Variants in PARG observed in about 807,000 individuals in gnomAD.
The protein encoded by PARG is poly(ADP-ribose) glycohydrolase.
A neutral mutation model predicts 113.0 loss-of-function variants in PARG; 35 were observed. That is an observed-to-expected ratio of 0.31 (90% CI 0.24 to 0.41). The LOEUF is 0.41. PARG is among the 10% of genes least tolerant of loss of function. The pLI, the probability that PARG is intolerant of heterozygous loss-of-function variation, is 1.00. For synonymous variants in PARG, 330 were observed against 409.9 expected, an observed-to-expected ratio of 0.81 and a Z score of 2.36; for missense variants, 797 against 1,169.4, an observed-to-expected ratio of 0.68 and a Z score of 4.64.
intron 14 of PARG, among the ~76,000 whole-genome samples, chr10:49,843,165 C>A (rs1242865633): frequency 6.6e-6 from 1 of 152,194 alleles, no homozygotes; most frequent in African/African-American, 2.4e-5. Flanking sequence ...AGGTTTCCTC[C>A]ACCTAATTTC....
intron 4 of PARG, among the ~76,000 whole-genome samples, chr10:49,928,990 A>G (rs182410747): frequency 6.6e-6 from 1 of 152,368 alleles, no homozygotes; most frequent in Admixed American, 6.5e-5. Context: ...GGGTTTTCTG[A>G]GTTACATGCT....
chr10:49,892,135 G>A (rs1554841708), intron 7 of PARG, among the ~76,000 whole-genome samples: 1 of 151,900 alleles, frequency 6.6e-6, no homozygotes, highest in Non-Finnish European at 1.5e-5. Flanking sequence ...TCATACATAG[G>A]TGCATTTATC....
chr10:49,926,091 G>T (rs1554850522), intron 4 of PARG, among the ~76,000 whole-genome samples: 1 of 152,224 alleles, frequency 6.6e-6, no homozygotes, highest in Non-Finnish European at 1.5e-5. Flanking sequence ...AAAGGGGAAG[G>T]CATGTCTGTA....
At position 49,937,311 on chromosome 10, in the gene PARG, C is replaced by T. The variant is rs1452052233; in HGVS notation, c.218-2169G>A. 1.1e-4 allele frequency among the ~76,000 whole-genome samples: 16 copies of T among 152,230 alleles called. No homozygotes were observed. In the East Asian group the frequency reaches 2.5e-3, roughly 24 times the overall value. On this transcript the variant is annotated intron_variant, in intron 1 of 17. Transcript: ENST00000616448. Reference sequence around the variant, plus strand: ...CTAACATGGTGAAACCCCGTCTCTACTAAAGATACAAAAAATTAGCCAGAC... The same window carrying T: ...CTAACATGGTGAAACCCCGTCTCTATTAAAGATACAAAAAATTAGCCAGAC...
chr10:49,939,125 AT>A (rs1838889357), intron 1 of PARG, among the ~76,000 whole-genome samples: 1 of 152,144 alleles, frequency 6.6e-6, no homozygotes. Context: ...GAAACCACAA[AT>A]TATCCAGTCA....
At chr10:49,858,392 A>G (rs1323564158) in intron 12 of PARG, among the ~76,000 whole-genome samples, 1 of 148,956 alleles carries the variant, frequency 6.7e-6, no homozygotes, top group South Asian at 2.1e-4. Flanking sequence ...ATACATAGTC[A>G]TACACACAAG....
At chr10:49,849,661 G>A (rs1319850458) in intron 13 of PARG, among the ~76,000 whole-genome samples, 2 of 152,260 alleles carry the variant, frequency 1.3e-5, no homozygotes, top group Non-Finnish European at 2.9e-5. Context: ...CAATAAATCT[G>A]TCTTAAGAAA....
At position 49,941,360 on chromosome 10, in the gene PARG, C is replaced by T. The variant is rs1208786792; in HGVS notation, c.217+149G>A. 5.6e-4 allele frequency: 420 copies of T among 751,900 alleles called. 2 individuals carry two copies. In the African/African-American group the frequency reaches 6.4e-3, roughly 12 times the overall value. 46.6% of individuals were successfully genotyped at this position (751,900 alleles called of 1,614,324 possible). ...GGAAAAATGCGGCCCCATTCACCCA[C>T]TAGTGGCTTTGGTAGCTCAGCAAGT... On this transcript the variant is annotated intron_variant, in intron 1 of 17. Transcript: ENST00000616448.
intron 7 of PARG, among the ~76,000 whole-genome samples, chr10:49,888,337 G>C (rs1356117734): frequency 6.6e-6 from 1 of 151,838 alleles, no homozygotes; most frequent in Admixed American, 6.6e-5. Flanking sequence ...CTTCTTTCCT[G>C]ATGTTCCATG....
intron 4 of PARG, among the ~76,000 whole-genome samples, chr10:49,926,382 C>G (rs1346524378): frequency 6.6e-6 from 1 of 151,994 alleles, no homozygotes; most frequent in African/African-American, 2.4e-5. Context: ...GAGGTAATAA[C>G]AGCTTAAACC....
In PARG at chr10:49,934,096, A is replaced by C. The variant is rs1233537151; in HGVS notation, c.352T>G (p.Phe118Val). ...SMMSSVQKDN[F>V]YQHNVEKLEN... ...AATTTTTCTACATTATGTTGGTAAAAGTTATCTTTTTGTACAGAACTCATC... is the reference window on the plus strand; with the variant it reads ...AATTTTTCTACATTATGTTGGTAAACGTTATCTTTTTGTACAGAACTCATC... The change falls in exon 3 of 18, where the codon TTT becomes GTT. Residue 118 changes from phenylalanine to valine, a missense_variant. Coordinates refer to ENST00000616448, the MANE Select transcript of PARG (RefSeq NM_003631.5). 291 of 1,414,648 alleles carry C rather than the reference A, an allele frequency of 2.1e-4. 1 individual carries two copies. In the East Asian group the frequency reaches 6.5e-3, roughly 32 times the overall value. The allele number at this position is 1,414,648 out of a possible 1,614,324, so 87.6% of individuals were successfully genotyped here. A position where few individuals can be genotyped will look rare whatever the true frequency, so the allele number is the denominator to read the frequency against.
intron 1 of PARG, among the ~76,000 whole-genome samples, chr10:49,939,597 T>C (rs1330488887): frequency 6.6e-6 from 1 of 152,178 alleles, no homozygotes; most frequent in Non-Finnish European, 1.5e-5. Flanking sequence ...TTTTTAGTGG[T>C]TTCTCCATTA....
intron 7 of PARG, among the ~76,000 whole-genome samples, chr10:49,905,743 G>A (rs1196450875): frequency 2.6e-5 from 4 of 151,468 alleles, no homozygotes; most frequent in East Asian, 3.9e-4. Context: ...AGGGATGAAC[G>A]CAGTGGAGAC....
intron 6 of PARG, among the ~76,000 whole-genome samples, chr10:49,921,706 A>G (rs1259766131): frequency 6.6e-6 from 1 of 151,940 alleles, no homozygotes; most frequent in Admixed American, 6.6e-5. Context: ...TATTTATAAA[A>G]ACATGAAAAG....
chr10:49,837,543 T>G (rs1361702989), intron 15 of PARG, among the ~76,000 whole-genome samples: 2 of 152,144 alleles, frequency 1.3e-5, no homozygotes, highest in Non-Finnish European at 2.9e-5. Flanking sequence ...TATGTGAGAC[T>G]CCTGCTGCTC....
intron 16 of PARG, among the ~76,000 whole-genome samples, chr10:49,831,305 A>G (rs1257255547): frequency 6.6e-6 from 1 of 152,232 alleles, no homozygotes; most frequent in African/African-American, 2.4e-5. Flanking sequence ...CAGTTACATT[A>G]TGACAGACTC....
chr10:49,899,308 A>C (rs1403118946), intron 7 of PARG, among the ~76,000 whole-genome samples: 1 of 152,214 alleles, frequency 6.6e-6, no homozygotes, highest in Non-Finnish European at 1.5e-5. Context: ...ATACTACTAA[A>C]TTACGTAAGG....
At chr10:49,876,724 A>G (rs1165162928) in intron 9 of PARG, among the ~76,000 whole-genome samples, 3 of 151,720 alleles carry the variant, frequency 2.0e-5, no homozygotes, top group Non-Finnish European at 4.4e-5. Flanking sequence ...ACTACATAAC[A>G]GTAAGAACTC....
At chr10:49,847,200 G>C (rs1845552641) in intron 13 of PARG, among the ~76,000 whole-genome samples, 1 of 152,146 alleles carries the variant, frequency 6.6e-6, no homozygotes, top group South Asian at 2.1e-4. Context: ...AGAAAGAATG[G>C]GAGTTTAAAA....
Sources: allele counts gnomAD v4.1 joint callset (sites outside exome capture counted in the v4.1 genomes callset), GRCh38; gene constraint gnomAD v4.1.1; transcripts MANE v1.5; gene names NCBI Gene and HGNC (gene_info 2026-07-23, HGNC 2026-07-21).